The following KCNG4 variants were observed in gnomAD, a reference collection of about 807,000 sequenced individuals.
The protein encoded by KCNG4 is potassium voltage-gated channel modifier subfamily G member 4.
A neutral mutation model predicts 28.2 loss-of-function variants in KCNG4; 30 were observed. The observed-to-expected ratio is 1.06, with a 90% CI of 0.80 to 1.44. The LOEUF is 1.44. Ranked by LOEUF, KCNG4 falls within the 40% of genes most tolerant of loss-of-function variation. The pLI is 0.00. For synonymous variants in KCNG4, 375 were observed against 315.5 expected (o/e 1.19, Z -2.00); for missense variants, 879 against 712.3 (o/e 1.23, Z -2.66).
chr16:84,222,831 G>C lies in KCNG4; in HGVS notation c.946C>G (p.Pro316Ala), dbSNP rs367757097. The change falls in exon 3 of 3, where the codon CCC becomes GCC. Residue 316 changes from proline to alanine, a missense_variant. By Grantham distance (27) the Pro-to-Ala change is conservative. Coordinates refer to ENST00000308251, the MANE Select transcript of KCNG4 (RefSeq NM_172347.3). ...YYVSLAVSEE[P>A]PEDGERPSGS... Reference sequence around the variant, plus strand: ...CTCGGCCTCTCGCCGTCCTCCGGGGGCTCCTCAGACACCGCCAGCGACACG... The same window carrying C: ...CTCGGCCTCTCGCCGTCCTCCGGGGCCTCCTCAGACACCGCCAGCGACACG... 5 of 1,610,418 alleles carry C rather than the reference G, an allele frequency of 3.1e-6. No homozygotes were observed. In the African/African-American group the frequency reaches 6.7e-5, roughly 21 times the overall value.
In KCNG4 at chr16:84,237,278, A is replaced by G; in HGVS notation, c.208T>C (p.Tyr70His). The G allele has an allele frequency of 6.2e-7, 1 of 1,609,398 alleles. No individual in the cohort carries two copies. Among genetic ancestry groups the G allele is most frequent in the South Asian group, 1.1e-5 (1 of 90,618 alleles). The change falls in exon 2 of 3, where the codon TAT (tyrosine) becomes CAT (histidine). Residue 70 changes from tyrosine to histidine, a missense_variant. Transcript: ENST00000308251. Reference protein sequence around the residue: ...EILINVGGRRYLLPWSTLDRF... With the variant: ...EILINVGGRRHLLPWSTLDRF... ...TCCAGTGTGCTCCAGGGGAGGAGAT[A>G]CCTCCTGCCCCCCACGTTGATCAGG...
rs35691900 is a variant in KCNG4 at position 84,226,160 on chromosome 16, C to G, written c.757-3140G>C. Among the ~76,000 whole-genome samples, 16,226 of 152,226 alleles carry G rather than the reference C, an allele frequency of 0.11. 1,104 individuals carry two copies. The highest frequency in any genetic ancestry group is 0.19 in the African/African-American group (7,999 of 41,496). Reference sequence around the variant, plus strand: ...GAGCGAGGTGTGTTCTGGCTCCTTCCTGCAATGAAGAAGAGCAAGCGTCAG... The same window carrying G: ...GAGCGAGGTGTGTTCTGGCTCCTTCGTGCAATGAAGAAGAGCAAGCGTCAG... On this transcript the variant is annotated intron_variant, in intron 2 of 2. Transcript: ENST00000308251. The surrounding 1 kb of genome is among the most constrained non-coding windows in gnomAD (Gnocchi z 4.1).
At position 84,237,097 on chromosome 16, in the gene KCNG4, C is replaced by T. The variant is rs761678710; in HGVS notation, c.389G>A (p.Gly130Glu). 11 of 1,614,008 alleles carry T rather than the reference C, an allele frequency of 6.8e-6. No homozygotes were observed. Among genetic ancestry groups the T allele is most frequent in the Non-Finnish European group, 6.8e-6 (8 of 1,180,044 alleles). The change falls in exon 2 of 3, where the codon GGG becomes GAG. Residue 130 changes from glycine to glutamate, a missense_variant. Transcript: ENST00000308251. ...FGVIVSFLAAGKLVLLQEMCA... is the reference protein window; with the variant it reads ...FGVIVSFLAAEKLVLLQEMCA... ...CATCTCCTGCAGAAGCACCAGCTTC[C>T]CGGCCGCCAGGAAGCTCACGATCAC...
At chr16:84,228,928 T>C (rs1255174020) in intron 2 of KCNG4, among the ~76,000 whole-genome samples, 1 of 152,224 alleles carries the variant, frequency 6.6e-6, no homozygotes, top group Non-Finnish European at 1.5e-5. Flanking sequence ...CATCACCGGC[T>C]CTCCACGGCC....
chr16:84,232,741 G>T (rs1031050415), intron 2 of KCNG4, among the ~76,000 whole-genome samples: 1 of 151,580 alleles, frequency 6.6e-6, no homozygotes, highest in Non-Finnish European at 1.5e-5. Flanking sequence ...TCTACAAAAT[G>T]TACAAAAATT....
intron 2 of KCNG4, among the ~76,000 whole-genome samples, chr16:84,227,532 G>T (rs1263841313): frequency 6.6e-6 from 1 of 152,118 alleles, no homozygotes; most frequent in Admixed American, 6.5e-5. Flanking sequence ...AGCCAAGCTT[G>T]TGCCACTGCA....
intron 2 of KCNG4, among the ~76,000 whole-genome samples, chr16:84,223,410 C>G (rs1013322474): frequency 6.6e-6 from 1 of 152,198 alleles, no homozygotes; most frequent in South Asian, 2.1e-4. Flanking sequence ...GAGGGAACAT[C>G]AAGGCGGGAG....
Position 84,222,514 on chromosome 16 carries a change from G to A in KCNG4, c.1263C>T (p.Tyr421=), listed in dbSNP as rs779525912. 3.8e-5 allele frequency: 62 copies of A among 1,613,314 alleles called. No individual in the cohort carries two copies. The highest frequency in any genetic ancestry group is 1.8e-4 in the Admixed American group (11 of 59,998). ...GCACACTGCGGGGCACCATGTCCCC[G>A]TAGCCCACCGTTGTCATGGAGATGA... is the stretch of plus-strand genomic sequence containing the variant. ...WAIISMTTVG[Y]GDMVPRSVPG... is the part of the protein sequence containing the mutation. The change falls in exon 3 of 3, where the codon TAC becomes TAT. Residue 421 remains tyrosine, a synonymous_variant. Transcript: ENST00000308251.
At chr16:84,228,024 C>T (rs1245985446) in intron 2 of KCNG4, among the ~76,000 whole-genome samples, 1 of 152,190 alleles carries the variant, frequency 6.6e-6, no homozygotes, top group Non-Finnish European at 1.5e-5. Flanking sequence ...GAGTTATCGT[C>T]GGAGTCTGAG....
At position 84,237,021 on chromosome 16, in the gene KCNG4, G is replaced by C. The variant is rs201450117; in HGVS notation, c.465C>G (p.Ala155=). 6.2e-7 allele frequency: 1 copy of C among 1,613,886 alleles called. No individual in the cohort carries two copies. Among genetic ancestry groups the C allele is most frequent in the African/African-American group, 1.3e-5 (1 of 75,004 alleles). The change falls in exon 2 of 3, where the codon GCC becomes GCG. Residue 155 remains alanine (A), a synonymous_variant. Transcript: ENST00000308251. ...TCCGCAGGCAGCACCTCTCCAGGTG[G>C]GCCTCCTCGATGCCCCAGTAGGCCA... ...EELAYWGIEE[A]HLERCCLRKL...
At chr16:84,223,206 T>C (rs1486143997) in intron 2 of KCNG4, among the ~76,000 whole-genome samples, 186 bp from the exon 3 acceptor site, 2 of 152,306 alleles carry the variant, frequency 1.3e-5, no homozygotes, top group Admixed American at 6.5e-5. Flanking sequence ...AGACTGTTCT[T>C]TCTGGCTTCC....
rs1049857127 is a variant in KCNG4, at chr16:84,222,370, C to T, written c.1407G>A (p.Glu469=). The change falls in exon 3 of 3, where the codon GAG becomes GAA. Residue 469 remains glutamate, a synonymous_variant. Transcript: ENST00000308251. ...GGTGGCGGAGGCGGGCCTGAAGCTG[C>T]TCCTGCTCCTTCTTGAGCTCCAGGT... is the stretch of plus-strand genomic sequence containing the variant. ...HSYLELKKEQ[E]QLQARLRHLQ... 2 of 1,614,152 alleles carry T rather than the reference C, an allele frequency of 1.2e-6. No individual in the cohort carries two copies. Among genetic ancestry groups the T allele is most frequent in the Non-Finnish European group, 1.7e-6 (2 of 1,180,012 alleles).
intron 2 of KCNG4, among the ~76,000 whole-genome samples, chr16:84,229,111 C>A (rs557437095): frequency 1.3e-5 from 2 of 152,008 alleles, no homozygotes; most frequent in Non-Finnish European, 2.9e-5. Flanking sequence ...ACCAGCCTGG[C>A]CAGTGTGTGG....
Position 84,222,856 on chromosome 16 carries a change from G to T in KCNG4, c.921C>A (p.Tyr307Ter). 1 of 1,611,466 alleles carries T rather than the reference G, an allele frequency of 6.2e-7. No individual in the cohort carries two copies. Among genetic ancestry groups the T allele is most frequent in the Non-Finnish European group, 8.5e-7 (1 of 1,178,036 alleles). Residue 307 changes from tyrosine (Y) to a stop codon, truncating the protein, a stop_gained, in exon 3 of 3, where the codon TAC (tyrosine) becomes TAA (stop). Coordinates refer to ENST00000308251, the MANE Select transcript of KCNG4 (RefSeq NM_172347.3). LOFTEE classifies it high-confidence loss of function. ...GCTCCTCAGACACCGCCAGCGACAC[G>T]TAGTATGGGGAGATGGCCAGGATGT... ...IIDILAISPY[Y>*]VSLAVSEEPP...
chr16:84,232,225 A>G (rs1383867548), intron 2 of KCNG4, among the ~76,000 whole-genome samples: 2 of 152,302 alleles, frequency 1.3e-5, no homozygotes, highest in Middle Eastern at 3.4e-3. Flanking sequence ...TGGCATATAC[A>G]TACAGTGGAA....
At chr16:84,224,502 A>C (rs1226725028) in intron 2 of KCNG4, among the ~76,000 whole-genome samples, 1 of 152,110 alleles carries the variant, frequency 6.6e-6, no homozygotes, top group African/African-American at 2.4e-5. Flanking sequence ...TGTAAAAGGC[A>C]AGGTGTTGAC....
intron 1 of KCNG4, among the ~76,000 whole-genome samples, chr16:84,239,208 C>A (rs956353638): frequency 1.3e-5 from 2 of 152,090 alleles, no homozygotes; most frequent in Non-Finnish European, 2.9e-5. Context: ...TAACCTATTT[C>A]ACACTCTTGC....
chr16:84,228,553 C>T (rs965567746), intron 2 of KCNG4, among the ~76,000 whole-genome samples: 1 of 152,236 alleles, frequency 6.6e-6, no homozygotes, highest in African/African-American at 2.4e-5. Flanking sequence ...CATGGGCCTC[C>T]CCCCAGGCAC....
rs1904699211 is a variant in KCNG4 at position 84,226,432 on chromosome 16, G to C, written c.757-3412C>G. ...ATTCTATACTCACAGGGGAGAGGCT[G>C]ACACGGGTGCATCCGTTTATTAAAT... is the stretch of plus-strand genomic sequence containing the variant. On this transcript the variant is annotated intron_variant, in intron 2 of 2. Transcript: ENST00000308251. This position sits in a 1 kb window ranked among gnomAD's most constrained non-coding sequence, Gnocchi z 4.1. Among the ~76,000 whole-genome samples the C allele has an allele frequency of 2.0e-5, 3 of 152,216 alleles. No individual in the cohort carries two copies. The highest frequency in any genetic ancestry group is 2.0e-4 in the Admixed American group (3 of 15,286).
Sources: gnomAD v4.1 joint callset for allele counts (sites outside exome capture counted in the v4.1 genomes callset) on GRCh38, gnomAD v4.1.1 for gene constraint, Gnocchi (gnomAD v3.1) non-coding constraint, MANE v1.5 for transcripts, NCBI Gene and HGNC (gene_info 2026-07-23, HGNC 2026-07-21) for gene names.